Variants in SUCO observed in about 807,000 individuals in gnomAD.
SUCO encodes SUN domain-containing ossification factor.
Under a neutral mutation model 148.1 loss-of-function variants are expected in SUCO, and 57 were observed. That is an observed-to-expected ratio of 0.38 (90% CI 0.31 to 0.48). The LOEUF (loss-of-function observed/expected upper bound fraction) is 0.48, where lower values mean the gene tolerates loss of function less well. SUCO is among the 20% of genes least tolerant of loss of function. The pLI is 0.96. For missense variants in SUCO, 1,331 were observed against 1,468.2 expected (o/e 0.91, Z 1.53); for synonymous variants, 470 against 502.7 (o/e 0.93, Z 0.87).
intron 10 of SUCO, 136 bp from the exon 11 acceptor site, chr1:172,575,382 A>T (rs1655358414): frequency 1.2e-5 from 7 of 570,674 alleles, no homozygotes; most frequent in Non-Finnish European, 2.1e-5. Context: ...TATTAAATGT[A>T]TGTATTTATG....
At chr1:172,562,961 C>A (rs1441977881) in intron 6 of SUCO, among the ~76,000 whole-genome samples, 1 of 152,114 alleles carries the variant, frequency 6.6e-6, no homozygotes, top group Non-Finnish European at 1.5e-5. Context: ...GTAGTGCTTA[C>A]CCCTTCACTC....
At chr1:172,553,124 A>G (rs897795424) in intron 2 of SUCO, 136 bp from the exon 3 acceptor site, 3 of 959,754 alleles carry the variant, frequency 3.1e-6, no homozygotes, top group East Asian at 2.8e-5. Context: ...CTTGTATACA[A>G]ATGAAATTAA....
rs1656457729 is a variant in SUCO, at chr1:172,589,287, T to C, written c.2186T>C (p.Leu729Pro). 6.2e-7 allele frequency: 1 copy of C among 1,613,686 alleles called. No individual in the cohort carries two copies. Among genetic ancestry groups the C allele is most frequent in the Non-Finnish European group, 8.5e-7 (1 of 1,179,822 alleles). ...VELEPSHSQTLSQSLLLDITP... is the reference protein window; with the variant it reads ...VELEPSHSQTPSQSLLLDITP... ...CTTGAACCAAGCCATTCTCAAACTCTTTCTCAGTCTCTTCTTTTAGATATT... is the reference window on the plus strand; with the variant it reads ...CTTGAACCAAGCCATTCTCAAACTCCTTCTCAGTCTCTTCTTTTAGATATT... Residue 729 changes from leucine (L) to proline (P), a missense_variant, in exon 18 of 24, where the codon CTT (leucine) becomes CCT (proline). Coordinates refer to ENST00000263688, the MANE Select transcript of SUCO (RefSeq NM_014283.5).
intron 6 of SUCO, among the ~76,000 whole-genome samples, chr1:172,562,326 C>CTTT (rs1558184293): frequency 1.5e-5 from 2 of 134,876 alleles, no homozygotes; most frequent in South Asian, 2.5e-4. Flanking sequence ...TGGGTTTTAA[C>CTTT]ATTTTTTTTT....
Position 172,602,051 on chromosome 1 carries a change from C to T in SUCO, c.3019-13C>T, listed in dbSNP as rs191105494. On this transcript the variant is annotated splice_polypyrimidine_tract_variant and intron_variant, in intron 20 of 23. Coordinates refer to ENST00000263688, the MANE Select transcript of SUCO (RefSeq NM_014283.5). ...TTTCCTATGATTATTATTTAACCCT[C>T]TTCTCATCTCAGGTTTCAGATCGAC... is the stretch of plus-strand genomic sequence containing the variant. The T allele has an allele frequency of 5.0e-6, 8 of 1,600,386 alleles. No homozygotes were observed. In the East Asian group the frequency reaches 1.8e-4, roughly 36 times the overall value.
intron 1 of SUCO, among the ~76,000 whole-genome samples, chr1:172,538,000 A>C (rs532397122): frequency 1.3e-5 from 2 of 152,208 alleles, no homozygotes; most frequent in Non-Finnish European, 2.9e-5. Flanking sequence ...GCGTGAGTGT[A>C]TGTGAGGAGA....
At chr1:172,535,758 T>A (rs2149214304) in intron 1 of SUCO, among the ~76,000 whole-genome samples, 1 of 152,322 alleles carries the variant, frequency 6.6e-6, no homozygotes, top group African/African-American at 2.4e-5. Context: ...TGTATGTCTG[T>A]TCTACAGTAT....
chr1:172,564,954 C>G (rs531223533), intron 6 of SUCO, among the ~76,000 whole-genome samples: 8 of 152,078 alleles, frequency 5.3e-5, no homozygotes, highest in Non-Finnish European at 8.8e-5. Context: ...GTAAACCTAG[C>G]AAGAAATCCT....
chr1:172,590,455 A>G (rs759606340), intron 18 of SUCO: 15 of 634,838 alleles, frequency 2.4e-5, no homozygotes, highest in Non-Finnish European at 2.9e-5. Context: ...GACAGTGCCA[A>G]TTCATTAAGA....
At chr1:172,562,267 T>C (rs1475763597) in intron 6 of SUCO, among the ~76,000 whole-genome samples, 1 of 151,640 alleles carries the variant, frequency 6.6e-6, no homozygotes, top group African/African-American at 2.4e-5. Flanking sequence ...ATTACAAGAT[T>C]GAAAAGCAAA....
chr1:172,604,199 G>A (rs960041244), intron 22 of SUCO, among the ~76,000 whole-genome samples: 13 of 151,830 alleles, frequency 8.6e-5, no homozygotes, highest in African/African-American at 2.7e-4. Flanking sequence ...AAGTGAAATC[G>A]TGACTATCTT....
intron 6 of SUCO, among the ~76,000 whole-genome samples, chr1:172,565,268 C>T (rs1221213410): frequency 6.6e-6 from 1 of 152,102 alleles, no homozygotes; most frequent in Non-Finnish European, 1.5e-5. Flanking sequence ...GGTGGCTGTC[C>T]ATTTGAGGTC....
intron 6 of SUCO, among the ~76,000 whole-genome samples, chr1:172,568,039 C>T (rs770614626): frequency 6.6e-6 from 1 of 152,088 alleles, no homozygotes; most frequent in Non-Finnish European, 1.5e-5. Flanking sequence ...TGAGTGTGAA[C>T]CCTATTGTGA....
intron 6 of SUCO, among the ~76,000 whole-genome samples, chr1:172,567,293 C>A (rs1654620059): frequency 6.6e-6 from 1 of 152,056 alleles, no homozygotes; most frequent in Non-Finnish European, 1.5e-5. Context: ...GTGAACACAT[C>A]AAAACTTTGT....
chr1:172,567,432 A>G (rs1654632950), intron 6 of SUCO, among the ~76,000 whole-genome samples: 1 of 152,100 alleles, frequency 6.6e-6, no homozygotes, highest in South Asian at 2.1e-4. Context: ...AGATATAACC[A>G]CTGTCTTGAA....
chr1:172,610,487 TA>T lies in SUCO; in HGVS notation c.*231del. ...TATAAGGACAATGGTAGACATTTTA[TA>T]AAGATGTTTTTTCACAAGATTAATT... On this transcript the variant is annotated 3_prime_UTR_variant, in exon 24 of 24. Coordinates refer to ENST00000263688, the MANE Select transcript of SUCO (RefSeq NM_014283.5). The T allele has an allele frequency of 2.0e-6, 1 of 506,612 alleles. No homozygotes were observed. Among genetic ancestry groups the T allele is most frequent in the Non-Finnish European group, 3.0e-6 (1 of 330,190 alleles). The allele number at this position is 506,612 out of a possible 1,614,324, so 31.4% of individuals were successfully genotyped here. A position where few individuals can be genotyped will look rare whatever the true frequency, so the allele number is the denominator to read the frequency against.
intron 3 of SUCO, 112 bp downstream of exon 3, chr1:172,553,482 G>A: frequency 1.6e-6 from 1 of 618,814 alleles, no homozygotes; most frequent in Non-Finnish European, 2.5e-6. Context: ...TCACTTTGAG[G>A]TACTCTGTAA....
intron 15 of SUCO, among the ~76,000 whole-genome samples, chr1:172,579,570 T>C (rs1190392001): frequency 6.6e-6 from 1 of 152,104 alleles, no homozygotes; most frequent in Non-Finnish European, 1.5e-5. Context: ...AAAGAATTAT[T>C]AAAACAGTCA....
chr1:172,555,071 A>G (rs1653626425), intron 3 of SUCO, among the ~76,000 whole-genome samples: 1 of 152,074 alleles, frequency 6.6e-6, no homozygotes, highest in African/African-American at 2.4e-5. Flanking sequence ...CTCACTTGAT[A>G]TTCATTTATT....
Sources: allele counts gnomAD v4.1 joint callset (sites outside exome capture counted in the v4.1 genomes callset), GRCh38; gene constraint gnomAD v4.1.1; transcripts MANE v1.5; gene names NCBI Gene and HGNC (gene_info 2026-07-23, HGNC 2026-07-21).